Variants in STAU1 observed in about 807,000 individuals in gnomAD.
The protein encoded by STAU1 is staufen double-stranded RNA binding protein 1.
Under a neutral mutation model 62.9 loss-of-function variants are expected in STAU1, and 13 were observed. The ratio of observed to expected loss-of-function variants is 0.21; its 90% confidence interval spans 0.13 to 0.33. The LOEUF (loss-of-function observed/expected upper bound fraction) is 0.33, where lower values mean the gene tolerates loss of function less well. Among genes scored for constraint, STAU1 ranks in the 10% least tolerant of loss-of-function variants. The pLI is 1.00. For missense variants in STAU1, 571 were observed against 712.1 expected (o/e 0.80, Z 2.25); for synonymous variants, 269 against 265.1 (o/e 1.01, Z -0.14).
chr20:49,120,434 T>C (rs1180805694), intron 8 of STAU1, among the ~76,000 whole-genome samples: 1 of 152,242 alleles, frequency 6.6e-6, no homozygotes, highest in Non-Finnish European at 1.5e-5. Context: ...ATTGCATTTG[T>C]ACAATGGAAA....
At chr20:49,127,710 A>C (rs1473246266) in intron 6 of STAU1, among the ~76,000 whole-genome samples, 1 of 150,312 alleles carries the variant, frequency 6.7e-6, no homozygotes, top group Non-Finnish European at 1.5e-5. Flanking sequence ...TGTCTAAAAA[A>C]CAAAAAAAAC....
chr20:49,200,442 C>CA, the STAU1 span, among the ~76,000 whole-genome samples: 24 of 151,932 alleles, frequency 1.6e-4, no homozygotes, highest in East Asian at 1.9e-4. Flanking sequence ...ACTAAAAATA[C>CA]AAAAAAAATT....
chr20:49,170,890 T>C (rs1220980198), intron 2 of STAU1, among the ~76,000 whole-genome samples: 1 of 152,190 alleles, frequency 6.6e-6, no homozygotes, highest in African/African-American at 2.4e-5. Context: ...TGCAAGTCCT[T>C]TGGTAAATCT....
At chr20:49,194,954 T>A in the STAU1 span, among the ~76,000 whole-genome samples, 288 of 150,830 alleles carry the variant, frequency 1.9e-3, 1 homozygote, top group African/African-American at 6.6e-3. Flanking sequence ...AAAAAAAAAA[T>A]AATAATAACG....
chr20:49,178,924 A>C (rs1169060973), intron 1 of STAU1, among the ~76,000 whole-genome samples: 2 of 150,198 alleles, frequency 1.3e-5, no homozygotes, highest in African/African-American at 4.9e-5. Context: ...AAAAAAAAAA[A>C]AAAACAACTA....
chr20:49,170,180 C>T (rs541635593), intron 2 of STAU1, among the ~76,000 whole-genome samples: 13 of 152,166 alleles, frequency 8.5e-5, no homozygotes, highest in East Asian at 1.9e-4. Context: ...GAGCACAGTC[C>T]GAGTGATTTA....
intron 3 of STAU1, among the ~76,000 whole-genome samples, chr20:49,155,424 C>T (rs2093342431): frequency 1.3e-5 from 2 of 152,056 alleles, no homozygotes; most frequent in Non-Finnish European, 2.9e-5. Context: ...ATCCATAAAC[C>T]TTTAAAAACC....
At position 49,113,601 on chromosome 20, in the gene STAU1, A is replaced by G. The variant is rs2145781281; in HGVS notation, c.*1277T>C. On this transcript the variant is annotated 3_prime_UTR_variant, in exon 14 of 14. Transcript: ENST00000371856. ...GGGGAGAAAAATTCCAGCGTAAACAATGAATGGAAGCAGTACTTAACTCGC... is the reference window on the plus strand; with the variant it reads ...GGGGAGAAAAATTCCAGCGTAAACAGTGAATGGAAGCAGTACTTAACTCGC... 6.5e-6 allele frequency: 1 copy of G among 152,724 alleles called. No individual in the cohort carries two copies. Among genetic ancestry groups the G allele is most frequent in the African/African-American group, 2.4e-5 (1 of 41,580 alleles). 9.5% of individuals were successfully genotyped at this position (152,724 alleles called of 1,614,324 possible).
chr20:49,134,213 C>A (rs984735840), intron 6 of STAU1, among the ~76,000 whole-genome samples: 4 of 151,944 alleles, frequency 2.6e-5, no homozygotes, highest in Non-Finnish European at 5.9e-5. Flanking sequence ...GGGTGGATCA[C>A]CTGAGGTTAG....
intron 5 of STAU1, among the ~76,000 whole-genome samples, chr20:49,141,564 T>C (rs1011757819): frequency 6.6e-6 from 1 of 152,190 alleles, no homozygotes; most frequent in Non-Finnish European, 1.5e-5. Flanking sequence ...GCCACTGCAC[T>C]CCAGCCTGGG....
chr20:49,120,294 G>T (rs2092436150), intron 8 of STAU1, among the ~76,000 whole-genome samples, 166 bp from the exon 9 acceptor site: 2 of 152,160 alleles, frequency 1.3e-5, no homozygotes, highest in Admixed American at 6.5e-5. Flanking sequence ...AAATAGTCAG[G>T]AGTTTGGGAA....
chr20:49,195,076 C>G, the STAU1 span, among the ~76,000 whole-genome samples: 1 of 151,980 alleles, frequency 6.6e-6, no homozygotes, highest in African/African-American at 2.4e-5. Context: ...AGGAAAAGAT[C>G]AATTCATTGA....
Position 49,118,476 on chromosome 20 carries a change from C to T in STAU1, c.1114-68G>A, listed in dbSNP as rs143510450. On this transcript the variant is annotated intron_variant, in intron 9 of 13. Transcript: ENST00000371856. ...CAGATCACTGAAAAATTAGCTCCTG[C>T]TGTCTAAATCTACACAAAGTCCAGT... 3.4e-3 allele frequency: 4,139 copies of T among 1,215,294 alleles called. 20 individuals carry two copies. The highest frequency in any genetic ancestry group is 4.2e-3 in the Non-Finnish European group (3,583 of 851,426). 75.3% of individuals were successfully genotyped at this position (1,215,294 alleles called of 1,614,324 possible). A position where few individuals can be genotyped will look rare whatever the true frequency, so the allele number is the denominator to read the frequency against.
the STAU1 span, among the ~76,000 whole-genome samples, chr20:49,194,455 AAAAG>A: frequency 2.6e-5 from 4 of 151,474 alleles, no homozygotes; most frequent in South Asian, 2.1e-4. Flanking sequence ...AAAGAAAAGA[AAAAG>A]AAAAAAGAAA....
chr20:49,162,188 A>G (rs1045261208), intron 3 of STAU1, among the ~76,000 whole-genome samples: 1 of 152,178 alleles, frequency 6.6e-6, no homozygotes, highest in Non-Finnish European at 1.5e-5. Flanking sequence ...GACCTTATCT[A>G]TTTCTAACAA....
chr20:49,115,578 G>C (rs1321192863), intron 13 of STAU1, among the ~76,000 whole-genome samples: 1 of 152,204 alleles, frequency 6.6e-6, no homozygotes, highest in Non-Finnish European at 1.5e-5. Flanking sequence ...TGGGATTACA[G>C]GTGTGAGCCG....
At chr20:49,157,037 C>T (rs533777386) in intron 3 of STAU1, among the ~76,000 whole-genome samples, 3 of 151,812 alleles carry the variant, frequency 2.0e-5, no homozygotes, top group South Asian at 2.1e-4. Context: ...CCACCATGCC[C>T]GGCTAATTTC....
At chr20:49,159,894 T>C (rs1295323907) in intron 3 of STAU1, among the ~76,000 whole-genome samples, 1 of 152,224 alleles carries the variant, frequency 6.6e-6, no homozygotes, top group Non-Finnish European at 1.5e-5. Flanking sequence ...TAAAGACACA[T>C]TTCAAATAGA....
chr20:49,172,336 C>T lies in STAU1; in HGVS notation c.-85+1859G>A, dbSNP rs896769545. Reference sequence around the variant, plus strand: ...TAGTTTTAAAACTTTATCAAGCTTCCGTCTCTCCTTCTCTAGGAGACATTC... The same window carrying T: ...TAGTTTTAAAACTTTATCAAGCTTCTGTCTCTCCTTCTCTAGGAGACATTC... On this transcript the variant is annotated intron_variant, in intron 2 of 13. Transcript: ENST00000371856. Among the ~76,000 whole-genome samples the T allele has an allele frequency of 9.2e-5, 14 of 152,296 alleles. No individual in the cohort carries two copies. In the South Asian group the frequency reaches 2.5e-3, roughly 27 times the overall value.
Sources: gnomAD v4.1 joint callset for allele counts (sites outside exome capture counted in the v4.1 genomes callset) on GRCh38, gnomAD v4.1.1 for gene constraint, MANE v1.5 for transcripts, NCBI Gene and HGNC (gene_info 2026-07-23, HGNC 2026-07-21) for gene names.